The following ADAMTSL3 variants were observed in gnomAD, a reference collection of about 807,000 sequenced individuals.
ADAMTSL3 encodes the protein ADAMTS like 3.
In ADAMTSL3, 128 loss-of-function variants were observed where a neutral mutation model predicts 201.7. The observed-to-expected ratio is 0.63, with a 90% CI of 0.55 to 0.73. The LOEUF (loss-of-function observed/expected upper bound fraction) is 0.73. Among genes scored for constraint, ADAMTSL3 ranks in the 30% least tolerant of loss-of-function variants. The pLI is 0.00. For missense variants in ADAMTSL3, 1,990 were observed against 2,119.6 expected (o/e 0.94, Z 1.20); for synonymous variants, 738 against 748.4 (o/e 0.99, Z 0.23).
At chr15:83,902,422 C>T (rs1287508942) in intron 15 of ADAMTSL3, among the ~76,000 whole-genome samples, 1 of 152,086 alleles carries the variant, frequency 6.6e-6, no homozygotes, top group Non-Finnish European at 1.5e-5. Context: ...AGGCATGTGC[C>T]ACCATGTCAG....
chr15:83,676,659 C>G (rs1011541286), intron 2 of ADAMTSL3, among the ~76,000 whole-genome samples: 2 of 152,168 alleles, frequency 1.3e-5, no homozygotes, highest in African/African-American at 4.8e-5. Flanking sequence ...GCCTGGGCGA[C>G]AGAGTAACAC....
At chr15:83,808,170 A>C (rs1005728988) in intron 5 of ADAMTSL3, among the ~76,000 whole-genome samples, 1 of 152,194 alleles carries the variant, frequency 6.6e-6, no homozygotes, top group Non-Finnish European at 1.5e-5. Context: ...ACGTACATCG[A>C]AGGAAACAAG....
At chr15:83,998,024 G>C (rs1461522745) in intron 23 of ADAMTSL3, among the ~76,000 whole-genome samples, 1 of 150,736 alleles carries the variant, frequency 6.6e-6, no homozygotes, top group Non-Finnish European at 1.5e-5. Flanking sequence ...AGGGAATCTA[G>C]GAAGAAAAAA....
In ADAMTSL3 at chr15:83,970,553, C is replaced by T. The variant is rs751167134; in HGVS notation, c.2560C>T (p.Arg854Trp). The T allele has an allele frequency of 8.7e-6, 14 of 1,614,086 alleles. No individual in the cohort carries two copies. The South Asian group carries it at 8.8e-5, about 10-fold the overall frequency. The change falls in exon 20 of 30, where the codon CGG becomes TGG. Residue 854 changes from arginine (R) to tryptophan (W), a missense_variant. By Grantham distance (101) the Arg-to-Trp change is moderately radical. Transcript: ENST00000286744. ...GTGTCAAAGGCTGGCAGCCAAAGGT[C>T]GGCGCATCCCCCTCAGTGAGATGAT... Reference protein sequence around the residue: ...QVCQRLAAKGRRIPLSEMMCR... With the variant: ...QVCQRLAAKGWRIPLSEMMCR...
chr15:83,738,056 C>T (rs902552175), intron 3 of ADAMTSL3, among the ~76,000 whole-genome samples: 3 of 152,136 alleles, frequency 2.0e-5, no homozygotes, highest in African/African-American at 4.8e-5. Flanking sequence ...CCAAGACTGT[C>T]TCCGAAATAA....
intron 16 of ADAMTSL3, among the ~76,000 whole-genome samples, chr15:83,919,753 T>C (rs1242440443): frequency 2.6e-5 from 4 of 152,024 alleles, no homozygotes; most frequent in Non-Finnish European, 5.9e-5. Flanking sequence ...AGCTCTAGAA[T>C]GAAAGTGAAA....
intron 20 of ADAMTSL3, among the ~76,000 whole-genome samples, chr15:83,975,464 G>A (rs1005038529): frequency 2.0e-5 from 3 of 152,192 alleles, no homozygotes; most frequent in Non-Finnish European, 4.4e-5. Flanking sequence ...GACCCAGCCA[G>A]GCAGAGGCCT....
rs763920085 is a variant in ADAMTSL3, at chr15:84,037,005, G to A, written c.4969+18G>A. ...CTGTGATAGTACGTACACCTCCCAG[G>A]TATCTCCACTGCCCCAGAGGCCTTG... On this transcript the variant is annotated intron_variant, in intron 29 of 29. Coordinates refer to ENST00000286744, the MANE Select transcript of ADAMTSL3 (RefSeq NM_207517.3). 2 of 1,611,962 alleles carry A rather than the reference G, an allele frequency of 1.2e-6. No homozygotes were observed. Among genetic ancestry groups the A allele is most frequent in the East Asian group, 4.5e-5 (2 of 44,850 alleles).
At chr15:83,977,115 C>T (rs948366810) in intron 20 of ADAMTSL3, among the ~76,000 whole-genome samples, 9 of 152,174 alleles carry the variant, frequency 5.9e-5, no homozygotes, top group South Asian at 2.1e-4. Context: ...AGATCAGCAG[C>T]GGCATTAGCT....
At position 84,003,116 on chromosome 15, in the gene ADAMTSL3, A is replaced by AT. The variant is rs888960080; in HGVS notation, c.3974-11415dup. On this transcript the variant is annotated intron_variant, in intron 23 of 29. Coordinates refer to ENST00000286744, the MANE Select transcript of ADAMTSL3 (RefSeq NM_207517.3). ...AGCCATGCACCACCACATCTGACTA[A>AT]TTTTTTTTTTTCTTGTAGAGACAGA... is the stretch of plus-strand genomic sequence containing the variant. Among the ~76,000 whole-genome samples the AT allele has an allele frequency of 7.3e-4, 106 of 144,282 alleles. 2 individuals are homozygous for AT. The highest frequency in any genetic ancestry group is 9.6e-4 in the Admixed American group (14 of 14,544). 94.7% of individuals were successfully genotyped at this position (144,282 alleles called of 152,430 possible).
intron 2 of ADAMTSL3, among the ~76,000 whole-genome samples, chr15:83,675,824 A>AT (rs1311065513): frequency 6.6e-6 from 1 of 151,864 alleles, no homozygotes; most frequent in Admixed American, 6.6e-5. Flanking sequence ...GAATTTTGGT[A>AT]TTTTTTGTTT....
intron 3 of ADAMTSL3, among the ~76,000 whole-genome samples, chr15:83,745,175 A>T (rs2062524478): frequency 6.6e-6 from 1 of 152,214 alleles, no homozygotes; most frequent in Non-Finnish European, 1.5e-5. Flanking sequence ...AGAGGAGTCC[A>T]CATGGGGAGT....
intron 2 of ADAMTSL3, among the ~76,000 whole-genome samples, chr15:83,662,583 G>GA (rs1220894743): frequency 3.1e-5 from 4 of 130,040 alleles, no homozygotes; most frequent in Admixed American, 7.9e-5. Flanking sequence ...AAAAAAAAAA[G>GA]AAAAAAAAGA....
At chr15:84,031,766 C>T (rs552765991) in intron 28 of ADAMTSL3, among the ~76,000 whole-genome samples, 4 of 152,262 alleles carry the variant, frequency 2.6e-5, no homozygotes, top group African/African-American at 9.6e-5. Flanking sequence ...TCCATTTAGG[C>T]TTACAGATTA....
intron 4 of ADAMTSL3, among the ~76,000 whole-genome samples, chr15:83,801,903 G>A (rs201925132): frequency 6.6e-6 from 1 of 150,974 alleles, no homozygotes; most frequent in African/African-American, 2.4e-5. Flanking sequence ...TGAAACACAC[G>A]ACTGGATACA....
intron 3 of ADAMTSL3, chr15:83,740,262 G>A (rs2062433335): frequency 6.5e-6 from 1 of 154,558 alleles, no homozygotes; most frequent in Non-Finnish European, 1.4e-5. Context: ...TTGGGTATTA[G>A]TACACAAAAA....
At chr15:83,805,787 T>G (rs1008156063) in intron 5 of ADAMTSL3, among the ~76,000 whole-genome samples, 1 of 152,190 alleles carries the variant, frequency 6.6e-6, no homozygotes, top group Non-Finnish European at 1.5e-5. Flanking sequence ...GCAGAATGCC[T>G]GTGGCACACA....
chr15:83,913,491 A>C, intron 16 of ADAMTSL3, 113 bp downstream of exon 16: 1 of 1,058,108 alleles, frequency 9.5e-7, no homozygotes, highest in Non-Finnish European at 1.3e-6. Context: ...AAGGAGGTGA[A>C]GTCATTCAAA....
At chr15:83,760,515 TTTAA>T (rs1428495778) in intron 3 of ADAMTSL3, among the ~76,000 whole-genome samples, 4 of 152,166 alleles carry the variant, frequency 2.6e-5, no homozygotes, top group African/African-American at 9.6e-5. Context: ...CAATTTGTAA[TTTAA>T]TTGTTTCCAT....
Sources: gnomAD v4.1 joint callset for allele counts (sites outside exome capture counted in the v4.1 genomes callset) on GRCh38, gnomAD v4.1.1 for gene constraint, MANE v1.5 for transcripts, NCBI Gene and HGNC (gene_info 2026-07-23, HGNC 2026-07-21) for gene names.